The following CHSY3 variants were observed in gnomAD, a reference collection of about 807,000 sequenced individuals.
The protein encoded by CHSY3 is chondroitin sulfate synthase 3.
CHSY3 carries 35 observed loss-of-function variants against 67.2 expected under a neutral mutation model. The ratio of observed to expected loss-of-function variants is 0.52; its 90% CI spans 0.40 to 0.69. The LOEUF is 0.69. Ranked by LOEUF, CHSY3 falls within the 30% of genes least tolerant of loss-of-function variation. CHSY3 has a pLI of 0.00. For missense variants in CHSY3, 1,069 were observed against 1,138.5 expected (o/e 0.94, Z 0.88); for synonymous variants, 474 against 434.7 (o/e 1.09, Z -1.12).
intron 2 of CHSY3, among the ~76,000 whole-genome samples, chr5:130,025,881 A>G (rs1013834456): frequency 6.6e-6 from 1 of 152,138 alleles, no homozygotes; most frequent in Non-Finnish European, 1.5e-5. Context: ...CCTGCAGTCT[A>G]TAGCAGATAT....
Position 130,185,507 on chromosome 5 carries a change from G to T in CHSY3, c.2365G>T (p.Asp789Tyr), listed in dbSNP as rs1275751347. Residue 789 changes from aspartate (D) to tyrosine (Y), a missense_variant, in exon 3 of 3, where the codon GAT (aspartate) becomes TAT (tyrosine). Around this residue, in one of 5 missense-constraint regions of CHSY3, gnomAD observed 139 missense variants for 152.8 expected, o/e 0.91. Coordinates refer to ENST00000305031, the MANE Select transcript of CHSY3 (RefSeq NM_175856.5). ...GYGITCIYKS[D>Y]LLGAGGFDTS... ...TGGCATCACCTGTATTTACAAAAGT[G>T]ATCTTCTAGGTGCAGGTGGATTTGA... The T allele has an allele frequency of 6.2e-7, 1 of 1,614,116 alleles. No homozygotes were observed. Among genetic ancestry groups the T allele is most frequent in the Admixed American group, 1.7e-5 (1 of 60,024 alleles).
chr5:129,971,287 A>G (rs1032524980), intron 2 of CHSY3, among the ~76,000 whole-genome samples: 49 of 151,822 alleles, frequency 3.2e-4, no homozygotes, highest in African/African-American at 1.2e-3. Context: ...TAGTCAAAAT[A>G]TAGTAAATTA....
intron 2 of CHSY3, among the ~76,000 whole-genome samples, chr5:129,968,233 A>T (rs909826735): frequency 6.6e-6 from 1 of 151,790 alleles, no homozygotes; most frequent in Non-Finnish European, 1.5e-5. Context: ...ATAAGAATAG[A>T]CCAAAATGAA....
chr5:129,947,239 A>G (rs1761882642), intron 2 of CHSY3, among the ~76,000 whole-genome samples: 1 of 152,048 alleles, frequency 6.6e-6, no homozygotes, highest in South Asian at 2.1e-4. Context: ...CACTATCATG[A>G]GAACAACATA....
intron 2 of CHSY3, among the ~76,000 whole-genome samples, chr5:130,126,599 C>G (rs1162954163): frequency 6.6e-6 from 1 of 152,082 alleles, no homozygotes; most frequent in African/African-American, 2.4e-5. Flanking sequence ...GAGACAGAAA[C>G]AGAGAGACCT....
intron 2 of CHSY3, among the ~76,000 whole-genome samples, chr5:129,925,884 T>C (rs1761089588): frequency 8.9e-6 from 1 of 112,664 alleles, no homozygotes; most frequent in Admixed American, 9.3e-5. Context: ...CTAATGTGTG[T>C]GTATATATGT....
intron 2 of CHSY3, chr5:130,140,496 CA>C: frequency 9.5e-7 from 1 of 1,049,018 alleles, no homozygotes. Context: ...ATCAGGCTAC[CA>C]AAGATGCTGG....
At chr5:130,075,904 C>T (rs1766234304) in intron 2 of CHSY3, among the ~76,000 whole-genome samples, 3 of 152,084 alleles carry the variant, frequency 2.0e-5, no homozygotes, top group Admixed American at 1.3e-4. Flanking sequence ...GTACTGTTTC[C>T]TCTTGACCTA....
At position 130,185,005 on chromosome 5, in the gene CHSY3, A is replaced by G. The variant is rs754101693; in HGVS notation, c.1863A>G (p.Val621=). The G allele has an allele frequency of 2.2e-5, 35 of 1,557,850 alleles. No homozygotes were observed. Among genetic ancestry groups the G allele is most frequent in the Admixed American group, 5.0e-5 (3 of 59,908 alleles). ...KEMGGHNEKK[V]HILVPLIGRY... ...TGGGAGGGCACAATGAAAAGAAAGT[A>G]CACATTCTCGTTCCTCTCATCGGAA... Residue 621 remains valine (V), a synonymous_variant, in exon 3 of 3, where the codon GTA becomes GTG. Coordinates refer to ENST00000305031, the MANE Select transcript of CHSY3 (RefSeq NM_175856.5).
At chr5:130,024,137 C>CAGA (rs1764471469) in intron 2 of CHSY3, among the ~76,000 whole-genome samples, 1 of 110,030 alleles carries the variant, frequency 9.1e-6, no homozygotes, top group Non-Finnish European at 1.8e-5. Flanking sequence ...GATTGATGGT[C>CAGA]AAAAAAAAAA....
chr5:130,171,187 A>G (rs538302333), intron 2 of CHSY3, among the ~76,000 whole-genome samples: 3 of 152,314 alleles, frequency 2.0e-5, no homozygotes, highest in East Asian at 3.9e-4. Context: ...AGAGAAATGT[A>G]TAGATTTTAA....
chr5:130,093,485 C>T (rs1485128371), intron 2 of CHSY3, among the ~76,000 whole-genome samples: 1 of 152,104 alleles, frequency 6.6e-6, no homozygotes, highest in Non-Finnish European at 1.5e-5. Flanking sequence ...TAAGAAAATA[C>T]ACACAAATAC....
At chr5:130,034,758 T>C (rs1485862341) in intron 2 of CHSY3, among the ~76,000 whole-genome samples, 9 of 152,274 alleles carry the variant, frequency 5.9e-5, no homozygotes, top group Non-Finnish European at 2.9e-5. Context: ...AGACAGTGTT[T>C]TGCAATTTTA....
intron 2 of CHSY3, among the ~76,000 whole-genome samples, chr5:130,148,220 G>T (rs1769130042): frequency 6.6e-6 from 1 of 152,180 alleles, no homozygotes; most frequent in South Asian, 2.1e-4. Flanking sequence ...TTCCTGCAAA[G>T]TACATGATCC....
intron 2 of CHSY3, among the ~76,000 whole-genome samples, chr5:129,930,499 C>T (rs1027337913): frequency 5.5e-4 from 60 of 108,654 alleles, no homozygotes; most frequent in East Asian, 3.3e-3. Context: ...TAAAAGGAGG[C>T]ATCACTGGCG....
At position 130,136,371 on chromosome 5, in the gene CHSY3, G is replaced by A. The variant is rs149046688; in HGVS notation, c.1087-47858G>A. Among the ~76,000 whole-genome samples the A allele has an allele frequency of 7.9e-5, 12 of 152,266 alleles. No individual in the cohort carries two copies. In the East Asian group the frequency reaches 2.3e-3, roughly 29 times the overall value. On this transcript the variant is annotated intron_variant, in intron 2 of 2. Transcript: ENST00000305031. ...TGTACTGTGTATGGATGGTTGCAAAGAAACCTAAGGGACAGTCATGAAGGC... is the reference window on the plus strand; with the variant it reads ...TGTACTGTGTATGGATGGTTGCAAAAAAACCTAAGGGACAGTCATGAAGGC...
intron 2 of CHSY3, among the ~76,000 whole-genome samples, chr5:129,912,711 C>T (rs1760607432): frequency 6.6e-6 from 1 of 152,166 alleles, no homozygotes; most frequent in African/African-American, 2.4e-5. Context: ...ACCCAGACCA[C>T]AGTAGATCAC....
At chr5:129,941,056 A>G (rs72795723) in intron 2 of CHSY3, among the ~76,000 whole-genome samples, 3,038 of 151,798 alleles carry the variant, frequency 0.02, 42 homozygotes, top group Non-Finnish European at 0.03. Flanking sequence ...CTGTCTCTAC[A>G]AAAAAAATAC....
intron 2 of CHSY3, among the ~76,000 whole-genome samples, chr5:130,060,247 A>G (rs1459528695): frequency 6.6e-6 from 1 of 152,260 alleles, no homozygotes. Flanking sequence ...CTAGGATGCA[A>G]GGATGGTTCA....
Sources: allele counts gnomAD v4.1 joint callset (sites outside exome capture counted in the v4.1 genomes callset), GRCh38; gene constraint gnomAD v4.1.1; regional missense constraint gnomAD v4.1.1; transcripts MANE v1.5; gene names NCBI Gene and HGNC (gene_info 2026-07-23, HGNC 2026-07-21).